Variants in ODAD2 observed in about 807,000 individuals in gnomAD.
The protein encoded by ODAD2 is outer dynein arm docking complex subunit 2, also known as outer dynein arm-docking complex subunit 2.
In ODAD2, 89 loss-of-function variants were observed where a neutral mutation model predicts 106.8. That is an observed-to-expected ratio of 0.83 (90% CI 0.70 to 0.99). ODAD2 has a LOEUF of 0.99. ODAD2 is among the 50% of genes least tolerant of loss of function. The pLI is 0.00. For synonymous variants in ODAD2, 404 were observed against 436.2 expected (o/e 0.93, Z 0.92); for missense variants, 1,168 against 1,238.5 (o/e 0.94, Z 0.85).
At chr10:27,954,423 CT>C (rs1247199573) in intron 10 of ODAD2, among the ~76,000 whole-genome samples, 1 of 152,148 alleles carries the variant, frequency 6.6e-6, no homozygotes, top group Non-Finnish European at 1.5e-5. Flanking sequence ...TGATAAATAA[CT>C]AGATGGGTAT....
intron 16 of ODAD2, among the ~76,000 whole-genome samples, chr10:27,909,319 A>G (rs1040554288): frequency 6.6e-6 from 1 of 152,190 alleles, no homozygotes; most frequent in Non-Finnish European, 1.5e-5. Context: ...TTGCAATTTA[A>G]AAAAAGGAAC....
intron 16 of ODAD2, among the ~76,000 whole-genome samples, chr10:27,932,052 A>T (rs1845650888): frequency 6.6e-6 from 1 of 152,088 alleles, no homozygotes. Context: ...CTCCTGACTT[A>T]GCTTCCTGAG....
chr10:27,944,126 G>A (rs1357577713), intron 12 of ODAD2, 96 bp downstream of exon 12: 2 of 1,056,786 alleles, frequency 1.9e-6, no homozygotes, highest in Non-Finnish European at 2.8e-6. Context: ...CGCTCTCATG[G>A]CTATGGAATT....
At chr10:27,881,269 A>G (rs749990747) in intron 17 of ODAD2, among the ~76,000 whole-genome samples, 18 of 152,150 alleles carry the variant, frequency 1.2e-4, no homozygotes, top group Admixed American at 2.0e-4. Flanking sequence ...ATTTGATTCC[A>G]CATGTCATTA....
intron 9 of ODAD2, among the ~76,000 whole-genome samples, chr10:27,963,945 G>T (rs1848325739): frequency 6.6e-6 from 1 of 152,148 alleles, no homozygotes; most frequent in Non-Finnish European, 1.5e-5. Flanking sequence ...ATTTGGGCCG[G>T]GCATGGTGGC....
At chr10:27,908,661 A>G (rs956667364) in intron 16 of ODAD2, among the ~76,000 whole-genome samples, 5 of 152,236 alleles carry the variant, frequency 3.3e-5, no homozygotes, top group African/African-American at 1.2e-4. Context: ...TGAGCCACAG[A>G]TAGAATAAAT....
intron 10 of ODAD2, 104 bp downstream of exon 10, chr10:27,961,464 T>C: frequency 8.7e-7 from 1 of 1,154,184 alleles, no homozygotes; most frequent in Non-Finnish European, 1.2e-6. Flanking sequence ...TGCTTACTAC[T>C]CTTATTTGAA....
intron 11 of ODAD2, 27 bp downstream of exon 11, chr10:27,944,789 C>G: frequency 6.2e-7 from 1 of 1,613,758 alleles, no homozygotes; most frequent in South Asian, 1.1e-5. Context: ...AACAAGACTC[C>G]GCATCCAAGG....
At chr10:27,952,085 A>AAAAAAAAAAAAAAAAAAAAAAAAAC (rs1847375586) in intron 10 of ODAD2, among the ~76,000 whole-genome samples, 1 of 150,084 alleles carries the variant, frequency 6.7e-6, no homozygotes, top group Admixed American at 6.7e-5. Flanking sequence ...AAAAAAAAAA[A>AAAAAAAAAAAAAAAAAAAAAAAAAC]AAAAAAAGAC....
rs192459384 is a variant in ODAD2, at chr10:27,976,765, C to T, written c.936+4701G>A. 1.9e-3 allele frequency among the ~76,000 whole-genome samples: 293 copies of T among 152,184 alleles called. No homozygotes were observed. In the Middle Eastern group the frequency reaches 0.021, roughly 11 times the overall value. Reference sequence around the variant, plus strand: ...ATGCTGGCTCTAATATTCTTATGGACATGCAAAAGATCTAGAATAGCCAAA... The same window carrying T: ...ATGCTGGCTCTAATATTCTTATGGATATGCAAAAGATCTAGAATAGCCAAA... On this transcript the variant is annotated intron_variant, in intron 7 of 19. Coordinates refer to ENST00000305242, the MANE Select transcript of ODAD2 (RefSeq NM_018076.5).
chr10:27,972,083 C>T (rs1848899793), intron 7 of ODAD2, among the ~76,000 whole-genome samples: 1 of 152,004 alleles, frequency 6.6e-6, no homozygotes, highest in South Asian at 2.1e-4. Context: ...AAAATAGTAA[C>T]AACGTTTTGA....
At position 27,869,922 on chromosome 10, in the gene ODAD2, C is replaced by A. The variant is rs76836039; in HGVS notation, c.2611-7300G>T. ...TGATGATGTGGGGAAGGGAGTGACACCTCTAAGCTACTCAAGGAGAGCAAA... is the reference window on the plus strand; with the variant it reads ...TGATGATGTGGGGAAGGGAGTGACAACTCTAAGCTACTCAAGGAGAGCAAA... On this transcript the variant is annotated intron_variant, in intron 17 of 19. Coordinates refer to ENST00000305242, the MANE Select transcript of ODAD2 (RefSeq NM_018076.5). Among the ~76,000 whole-genome samples the A allele has an allele frequency of 2.6e-5, 4 of 152,110 alleles. No homozygotes were observed. The South Asian group carries it at 8.3e-4, about 32-fold the overall frequency.
At chr10:27,820,258 T>C (rs1836496167) in intron 19 of ODAD2, among the ~76,000 whole-genome samples, 1 of 152,056 alleles carries the variant, frequency 6.6e-6, no homozygotes, top group Non-Finnish European at 1.5e-5. Flanking sequence ...AGGAAACCCT[T>C]GACCTGATGC....
intron 17 of ODAD2, among the ~76,000 whole-genome samples, chr10:27,879,631 G>GT (rs1314030181): frequency 6.6e-6 from 1 of 151,990 alleles, no homozygotes; most frequent in East Asian, 1.9e-4. Flanking sequence ...ACTATATGAT[G>GT]TATTATACTC....
chr10:27,833,319 A>G (rs1043743420), intron 19 of ODAD2, among the ~76,000 whole-genome samples: 1 of 152,000 alleles, frequency 6.6e-6, no homozygotes, highest in African/African-American at 2.4e-5. Flanking sequence ...ACCCGGCAAT[A>G]GTCGTACTTC....
intron 16 of ODAD2, among the ~76,000 whole-genome samples, chr10:27,932,023 C>T (rs187294433): frequency 6.6e-6 from 1 of 152,198 alleles, no homozygotes; most frequent in East Asian, 1.9e-4. Context: ...CAGCCTCAAA[C>T]TCATGGGCTC....
chr10:27,933,478 A>G (rs775194756), intron 16 of ODAD2, among the ~76,000 whole-genome samples: 7 of 152,168 alleles, frequency 4.6e-5, no homozygotes, highest in Non-Finnish European at 8.8e-5. Context: ...GTAAATTTCA[A>G]TGTTTTCAGG....
intron 19 of ODAD2, among the ~76,000 whole-genome samples, chr10:27,837,654 A>T (rs1485907812): frequency 6.6e-6 from 1 of 152,254 alleles, no homozygotes; most frequent in African/African-American, 2.4e-5. Context: ...TGCCAGGATT[A>T]AAATTTAAAC....
intron 10 of ODAD2, chr10:27,957,674 T>C (rs1260257420): frequency 6.6e-6 from 1 of 152,188 alleles, no homozygotes; most frequent in African/African-American, 2.4e-5. Context: ...AAAATCCAGA[T>C]GAAAAGAATT....
Sources: gnomAD v4.1 joint callset for allele counts (sites outside exome capture counted in the v4.1 genomes callset) on GRCh38, gnomAD v4.1.1 for gene constraint, MANE v1.5 for transcripts, NCBI Gene and HGNC (gene_info 2026-07-23, HGNC 2026-07-21) for gene names.